MRTFB: variants seen among roughly 807,000 people sequenced by gnomAD.
The protein encoded by MRTFB is myocardin-related transcription factor B.
Under a neutral mutation model 104.2 loss-of-function variants are expected in MRTFB, and 29 were observed. That is an observed-to-expected ratio of 0.28 (90% CI 0.21 to 0.38). The LOEUF is 0.38. Among genes scored for constraint, MRTFB ranks in the 10% least tolerant of loss-of-function variants. The probability of loss-of-function intolerance (pLI) is 1.00; values close to 1 mark genes in which losing one functional copy is unlikely to be tolerated. For synonymous variants in MRTFB, 535 were observed against 519.5 expected, an observed-to-expected ratio of 1.03 and a Z score of -0.41; for missense variants, 1,270 against 1,341.6, an observed-to-expected ratio of 0.95 and a Z score of 0.83.
the MRTFB span, among the ~76,000 whole-genome samples, chr16:14,032,121 T>C: frequency 6.6e-6 from 1 of 152,194 alleles, no homozygotes; most frequent in Non-Finnish European, 1.5e-5. Flanking sequence ...GAGGTGACTT[T>C]TGAAAAGGCT....
At chr16:14,008,942 A>ATTTATT in the MRTFB span, among the ~76,000 whole-genome samples, 2 of 150,718 alleles carry the variant, frequency 1.3e-5, no homozygotes, top group African/African-American at 4.9e-5. Context: ...TTAAAATTTT[A>ATTTATT]TGTATTTATT....
upstream of MRTFB, among the ~76,000 whole-genome samples, chr16:14,068,287 C>T (rs377594507): frequency 2.6e-5 from 4 of 152,118 alleles, no homozygotes; most frequent in Non-Finnish European, 5.9e-5. Flanking sequence ...GGCACTTTTC[C>T]GTATGCTTCA....
At chr16:14,107,546 T>C (rs139788862) in intron 2 of MRTFB, among the ~76,000 whole-genome samples, 5 of 152,128 alleles carry the variant, frequency 3.3e-5, no homozygotes, top group South Asian at 2.1e-4. Flanking sequence ...GTGAGCACAG[T>C]TGGGGAAGAG....
chr16:14,153,200 GT>G (rs1184949517), intron 3 of MRTFB: 3 of 152,278 alleles, frequency 2.0e-5, no homozygotes, highest in African/African-American at 7.2e-5. Context: ...CTTAATTGAT[GT>G]TTAAAATATA....
At chr16:14,195,559 A>G in intron 3 of MRTFB, 4 of 985,422 alleles carry the variant, frequency 4.1e-6, no homozygotes, top group Non-Finnish European at 4.8e-6. Flanking sequence ...TCTGACTTCA[A>G]CAGAGTAGCA....
At position 14,247,004 on chromosome 16, in the gene MRTFB, G is replaced by C. The variant is rs1015211915; in HGVS notation, c.1744G>C (p.Glu582Gln). ...GCTTCAGGAGAAAGAGAAGCAAATC[G>C]AAGAGCTGAAGAGGAAACTGGAACA... ...RKLQEKEKQI[E>Q]ELKRKLEQEQ... Residue 582 changes from glutamate to glutamine, a missense_variant, in exon 12 of 17, where the codon GAA (glutamate) becomes CAA (glutamine). Physicochemically the swap from Glu to Gln is conservative, Grantham distance 29. Transcript: ENST00000571589. 4.3e-6 allele frequency: 7 copies of C among 1,614,190 alleles called. No homozygotes were observed. Among genetic ancestry groups the C allele is most frequent in the Non-Finnish European group, 5.9e-6 (7 of 1,180,048 alleles).
intron 3 of MRTFB, among the ~76,000 whole-genome samples, chr16:14,145,343 T>C (rs1212707761): frequency 6.6e-6 from 1 of 152,204 alleles, no homozygotes; most frequent in Non-Finnish European, 1.5e-5. Flanking sequence ...AATTATTTTC[T>C]GTTGAGGGAA....
intron 3 of MRTFB, among the ~76,000 whole-genome samples, chr16:14,191,280 C>A (rs960726307): frequency 1.3e-5 from 2 of 152,224 alleles, no homozygotes; most frequent in Non-Finnish European, 2.9e-5. Flanking sequence ...TGAATGTTTC[C>A]ATTTCTGCCC....
intron 2 of MRTFB, among the ~76,000 whole-genome samples, chr16:14,110,408 G>A (rs972473639): frequency 7.2e-5 from 11 of 152,330 alleles, no homozygotes; most frequent in Admixed American, 5.9e-4. Flanking sequence ...AGGCAGTCAG[G>A]GAGGTAGGGT....
intron 3 of MRTFB, among the ~76,000 whole-genome samples, chr16:14,176,278 A>G (rs954281447): frequency 1.3e-5 from 2 of 152,252 alleles, no homozygotes; most frequent in Admixed American, 1.3e-4. Flanking sequence ...AAACACTGGA[A>G]TAGATCTTAT....
At chr16:13,996,138 A>G in the MRTFB span, among the ~76,000 whole-genome samples, 3 of 152,006 alleles carry the variant, frequency 2.0e-5, no homozygotes, top group Middle Eastern at 3.2e-3. Flanking sequence ...CAGGCATGGT[A>G]GTACACACTT....
At chr16:14,126,857 C>T (rs1357273061) in intron 2 of MRTFB, among the ~76,000 whole-genome samples, 1 of 152,194 alleles carries the variant, frequency 6.6e-6, no homozygotes, top group Non-Finnish European at 1.5e-5. Flanking sequence ...TTGACGAGAT[C>T]TCTCCTGAAA....
intron 3 of MRTFB, among the ~76,000 whole-genome samples, chr16:14,164,847 G>A (rs1433306395): frequency 4.0e-5 from 6 of 151,778 alleles, no homozygotes; most frequent in East Asian, 1.9e-4. Context: ...CACCAAAGCC[G>A]ATGCTCAATT....
At chr16:14,119,551 A>G (rs769149940) in intron 2 of MRTFB, among the ~76,000 whole-genome samples, 1 of 152,158 alleles carries the variant, frequency 6.6e-6, no homozygotes, top group Non-Finnish European at 1.5e-5. Flanking sequence ...TTGGTTTTAA[A>G]TTTTACTAGG....
At chr16:14,105,358 A>T (rs2035914761) in intron 2 of MRTFB, among the ~76,000 whole-genome samples, 1 of 151,674 alleles carries the variant, frequency 6.6e-6, no homozygotes, top group African/African-American at 2.4e-5. Flanking sequence ...GAAAAGTTGC[A>T]CTTTGTATAG....
chr16:14,252,028 C>T lies in MRTFB; in HGVS notation c.2565+5C>T. The T allele has an allele frequency of 6.2e-7, 1 of 1,613,448 alleles. No individual in the cohort carries two copies. The highest frequency in any genetic ancestry group is 2.2e-5 in the East Asian group (1 of 44,880). On this transcript the variant is annotated splice_donor_5th_base_variant and intron_variant, in intron 14 of 16. Coordinates refer to ENST00000571589, the MANE Select transcript of MRTFB (RefSeq NM_001308142.2). ...GGACCTAACACACCCAACAAGGTAA[C>T]CCTGTGAGGCTTGTGTGTCAGTGAC...
Position 14,264,363 on chromosome 16 carries a change from A to C in MRTFB, c.*2919A>C, listed in dbSNP as rs953664844. On this transcript the variant is annotated 3_prime_UTR_variant, in exon 17 of 17. Coordinates refer to ENST00000571589, the MANE Select transcript of MRTFB (RefSeq NM_001308142.2). ...GGGGTGGGATGAATTTAAAAGTTAT[A>C]CCAAAATTTCTGTAAAGTCTTTGAA... The C allele has an allele frequency of 2.0e-5, 3 of 152,222 alleles. No individual in the cohort carries two copies. The highest frequency in any genetic ancestry group is 7.2e-5 in the African/African-American group (3 of 41,450). The allele number at this position is 152,222 out of a possible 1,614,324, so 9.4% of individuals were successfully genotyped here. A position where few individuals can be genotyped will look rare whatever the true frequency, so the allele number is the denominator to read the frequency against.
At position 14,177,306 on chromosome 16, in the gene MRTFB, G is replaced by T. The variant is rs1450397093; in HGVS notation, c.155-32937G>T. Among the ~76,000 whole-genome samples the T allele has an allele frequency of 6.6e-6, 1 of 152,170 alleles. No homozygotes were observed. The highest frequency in any genetic ancestry group is 6.5e-5 in the Admixed American group (1 of 15,280). ...TATTCATAGAGGCAGCATTAATTAA[G>T]CAGGCATAGTATCCAAGGCATTGGG... On this transcript the variant is annotated intron_variant, in intron 3 of 16. Coordinates refer to ENST00000571589, the MANE Select transcript of MRTFB (RefSeq NM_001308142.2). This position sits in a 1 kb window ranked among gnomAD's most constrained non-coding sequence, Gnocchi z 4.7.
the MRTFB span, among the ~76,000 whole-genome samples, chr16:14,010,106 G>A: frequency 6.6e-6 from 1 of 152,158 alleles, no homozygotes; most frequent in Non-Finnish European, 1.5e-5. Context: ...CTTCCTGAAG[G>A]AGGGTGTGTT....
Sources: allele counts gnomAD v4.1 joint callset (sites outside exome capture counted in the v4.1 genomes callset), GRCh38; gene constraint gnomAD v4.1.1; non-coding constraint Gnocchi (gnomAD v3.1); transcripts MANE v1.5; gene names NCBI Gene and HGNC (gene_info 2026-07-23, HGNC 2026-07-21).